Variants in CEP128 observed in about 807,000 individuals in gnomAD.
CEP128 encodes centrosomal protein 128kDa.
In CEP128, 132 loss-of-function variants were observed where a neutral mutation model predicts 156.7. The observed-to-expected ratio is 0.84, with a 90% CI of 0.73 to 0.97. The LOEUF (loss-of-function observed/expected upper bound fraction) is 0.97. Among genes scored for constraint, CEP128 ranks in the 50% least tolerant of loss-of-function variants. CEP128 has a pLI of 0.00. For synonymous variants in CEP128, 469 were observed against 448.9 expected (o/e 1.04, Z -0.57); for missense variants, 1,252 against 1,281.9 (o/e 0.98, Z 0.36).
At chr14:80,884,036 A>G (rs575133883) in intron 8 of CEP128, among the ~76,000 whole-genome samples, 1 of 152,296 alleles carries the variant, frequency 6.6e-6, no homozygotes, top group Non-Finnish European at 1.5e-5. Flanking sequence ...AGAAGTATGA[A>G]ACTAGATCCC....
At chr14:80,950,693 AG>A (rs1161181477) in intron 2 of CEP128, among the ~76,000 whole-genome samples, 1 of 152,214 alleles carries the variant, frequency 6.6e-6, no homozygotes, top group African/African-American at 2.4e-5. Flanking sequence ...GGAATGCTCA[AG>A]GGAGAGGAAA....
At chr14:80,936,847 T>C (rs1023988078) in intron 2 of CEP128, among the ~76,000 whole-genome samples, 7 of 152,128 alleles carry the variant, frequency 4.6e-5, no homozygotes, top group Non-Finnish European at 8.8e-5. Flanking sequence ...ATCTGTTTTA[T>C]ACAGATGAAA....
intron 9 of CEP128, among the ~76,000 whole-genome samples, chr14:80,860,431 A>C (rs1887458991): frequency 2.0e-5 from 3 of 152,190 alleles, no homozygotes; most frequent in Admixed American, 6.5e-5. Flanking sequence ...GTATCTTAAG[A>C]AAAGTGGTGG....
At chr14:80,878,669 C>T (rs1342385250) in intron 8 of CEP128, among the ~76,000 whole-genome samples, 2 of 152,066 alleles carry the variant, frequency 1.3e-5, no homozygotes, top group Admixed American at 6.5e-5. Context: ...GTGGTGCCTG[C>T]TCCCATGGGT....
At chr14:80,907,029 G>A (rs201600350) in intron 4 of CEP128, among the ~76,000 whole-genome samples, 4 of 152,262 alleles carry the variant, frequency 2.6e-5, no homozygotes, top group East Asian at 3.9e-4. Flanking sequence ...TTCAGCCAGC[G>A]TTAAAAGGTA....
At chr14:80,747,054 T>C (rs546056753) in intron 18 of CEP128, among the ~76,000 whole-genome samples, 6 of 152,174 alleles carry the variant, frequency 3.9e-5, no homozygotes, top group Non-Finnish European at 8.8e-5. Context: ...CCCAGCAGGG[T>C]AGCTAAAATC....
intron 19 of CEP128, among the ~76,000 whole-genome samples, chr14:80,603,455 TA>T (rs962062576): frequency 1.3e-5 from 2 of 152,214 alleles, no homozygotes; most frequent in Non-Finnish European, 2.9e-5. Context: ...ATGAATACAC[TA>T]AAATGTACAC....
intron 13 of CEP128, among the ~76,000 whole-genome samples, chr14:80,820,250 C>T (rs1160165683): frequency 1.3e-5 from 2 of 152,028 alleles, no homozygotes; most frequent in African/African-American, 4.8e-5. Flanking sequence ...TGTTTTTTCT[C>T]GTGCCTTTTG....
chr14:80,622,302 T>A (rs1246328136), intron 19 of CEP128, among the ~76,000 whole-genome samples: 4 of 152,150 alleles, frequency 2.6e-5, no homozygotes, highest in Non-Finnish European at 5.9e-5. Context: ...CCAGCCTCCT[T>A]TAATTCAAGA....
chr14:80,588,644 G>A (rs1891919580), intron 19 of CEP128, among the ~76,000 whole-genome samples: 1 of 152,058 alleles, frequency 6.6e-6, no homozygotes, highest in Admixed American at 6.6e-5. Context: ...GACATATGGT[G>A]TTTAATTGTT....
At chr14:80,760,415 T>C (rs762608839) in intron 17 of CEP128, among the ~76,000 whole-genome samples, 99 of 151,476 alleles carry the variant, frequency 6.5e-4, no homozygotes, top group Non-Finnish European at 1.3e-3. Flanking sequence ...TTAAACACAA[T>C]TTAAGATAGA....
rs111273293 is a variant in CEP128 at position 80,778,691 on chromosome 14, T to A, written c.2212-645A>T. Among the ~76,000 whole-genome samples, 1,444 of 152,328 alleles carry A rather than the reference T, an allele frequency of 9.5e-3. 22 individuals carry two copies. The highest frequency in any genetic ancestry group is 0.033 in the African/African-American group (1,360 of 41,584). On this transcript the variant is annotated intron_variant, in intron 15 of 24. Coordinates refer to ENST00000555265, the MANE Select transcript of CEP128 (RefSeq NM_152446.5). Reference sequence around the variant, plus strand: ...GTGTAGTACAATATCTATTTATTGATCTTTATTTAGGGTATAACCAGAACC... The same window carrying A: ...GTGTAGTACAATATCTATTTATTGAACTTTATTTAGGGTATAACCAGAACC...
At chr14:80,634,864 A>G (rs1039686644) in intron 19 of CEP128, among the ~76,000 whole-genome samples, 3 of 152,190 alleles carry the variant, frequency 2.0e-5, no homozygotes, top group African/African-American at 7.2e-5. Flanking sequence ...CACAGATGTC[A>G]GGATAACTTC....
chr14:80,490,357 C>A (rs1377605911), downstream of CEP128: 1 of 152,054 alleles, frequency 6.6e-6, no homozygotes, highest in Non-Finnish European at 1.5e-5. Context: ...CTGTGAGCCA[C>A]TGGTATAGAG....
At chr14:80,488,996 AG>A (rs1280002644), downstream of CEP128, among the ~76,000 whole-genome samples, 3 of 64,304 alleles carry the variant, frequency 4.7e-5, no homozygotes, top group African/African-American at 1.2e-4. Flanking sequence ...GGTTGGGGGG[AG>A]GGGGGAGGGA....
Position 80,756,885 on chromosome 14 carries a change from T to C in CEP128, c.2613+7A>G. ...TACAATAACTTTAGGATTTAAAGAT[T>C]AATTACCTTGCTTTCTGCTAACCAG... On this transcript the variant is annotated splice_region_variant and intron_variant, in intron 18 of 24. Transcript: ENST00000555265. 5 of 1,553,794 alleles carry C rather than the reference T, an allele frequency of 3.2e-6. No homozygotes were observed. The highest frequency in any genetic ancestry group is 4.4e-6 in the Non-Finnish European group (5 of 1,128,058).
chr14:80,784,309 AACAGATTT>A (rs1191160104), intron 15 of CEP128, among the ~76,000 whole-genome samples: 2 of 151,812 alleles, frequency 1.3e-5, no homozygotes, highest in East Asian at 3.9e-4. Flanking sequence ...CAGGAAGAGG[AACAGATTT>A]ATCACACTCC....
chr14:80,729,282 G>C (rs938086247), intron 19 of CEP128, among the ~76,000 whole-genome samples: 21 of 151,704 alleles, frequency 1.4e-4, no homozygotes, highest in African/African-American at 5.1e-4. Context: ...CCATTCCTGA[G>C]TTACTTCACT....
exon 15 of CEP128, chr14:80,478,057 A>G (rs943029885): frequency 6.6e-6 from 1 of 151,954 alleles, no homozygotes; most frequent in Non-Finnish European, 1.5e-5. Context: ...TCTGACACCC[A>G]CAGTTTTTTC....
Sources: allele counts gnomAD v4.1 joint callset (sites outside exome capture counted in the v4.1 genomes callset), GRCh38; gene constraint gnomAD v4.1.1; transcripts MANE v1.5; gene names NCBI Gene and HGNC (gene_info 2026-07-23, HGNC 2026-07-21).